The following CFAP206 variants were observed in gnomAD, a reference collection of about 807,000 sequenced individuals.
CFAP206 encodes the protein cilia- and flagella-associated protein 206.
Under a neutral mutation model 65.4 loss-of-function variants are expected in CFAP206, and 53 were observed. That is an observed-to-expected ratio of 0.81 (90% CI 0.65 to 1.02). CFAP206 has a LOEUF of 1.02. CFAP206 is among the 50% of genes least tolerant of loss of function. The pLI is 0.00. For missense variants in CFAP206, 663 were observed against 753.2 expected, an observed-to-expected ratio of 0.88 and a Z score of 1.40; for synonymous variants, 250 against 254.4, an observed-to-expected ratio of 0.98 and a Z score of 0.17.
rs755925712 is a variant in CFAP206 at position 87,428,631 on chromosome 6, C to G, written c.966C>G (p.Ile322Met). The change falls in exon 9 of 13, where the codon ATC becomes ATG. Residue 322 changes from isoleucine to methionine, a missense_variant. Transcript: ENST00000369562. The stretch of plus-strand genomic sequence containing the variant: ...ATTTTTTTTCTCTTCCTCAGCCTAT[C>G]TTCATTGCACTTTCTACTCTGTGGA... Reference protein sequence around the residue: ...IAVPTSQVFPIFIALSTLWTS... With the variant: ...IAVPTSQVFPMFIALSTLWTS... The G allele has an allele frequency of 9.9e-6, 16 of 1,613,836 alleles. No individual in the cohort carries two copies. The highest frequency in any genetic ancestry group is 1.4e-5 in the Non-Finnish European group (16 of 1,179,918).
In CFAP206 at chr6:87,444,879, G is replaced by A. The variant is rs75173630; in HGVS notation, c.1494+9826G>A. 2,203 of 549,230 alleles carry A rather than the reference G, an allele frequency of 4.0e-3. 47 individuals carry two copies. Among genetic ancestry groups the A allele is most frequent in the African/African-American group, 0.038 (2,006 of 52,796 alleles). 34.0% of individuals were successfully genotyped at this position (549,230 alleles called of 1,614,324 possible). A position where few individuals can be genotyped will look rare whatever the true frequency, so the allele number is the denominator to read the frequency against. On this transcript the variant is annotated intron_variant, in intron 11 of 12. Coordinates refer to ENST00000369562, the MANE Select transcript of CFAP206 (RefSeq NM_001031743.3). ...GCTGCTTCTTCCCAGTGGCCCAGAA[G>A]TCTGTGTGTGAAAAGCGCTTGTAAG... is the stretch of plus-strand genomic sequence containing the variant.
intron 11 of CFAP206, chr6:87,442,038 A>G: frequency 4.4e-6 from 1 of 226,090 alleles, no homozygotes; most frequent in Non-Finnish European, 9.3e-6. Context: ...TGTCACCCTC[A>G]GATCTTGGAG....
intron 11 of CFAP206, among the ~76,000 whole-genome samples, chr6:87,447,434 C>T (rs1283564165): frequency 1.3e-5 from 2 of 152,030 alleles, no homozygotes; most frequent in Non-Finnish European, 2.9e-5. Context: ...TTGAGATAAT[C>T]ATGTGGTTTT....
chr6:87,459,496 C>T (rs1768704843), intron 11 of CFAP206, among the ~76,000 whole-genome samples: 1 of 152,108 alleles, frequency 6.6e-6, no homozygotes, highest in Admixed American at 6.6e-5. Context: ...TAAAAGTCAA[C>T]ATGTGTTAAG....
chr6:87,416,039 ACT>A (rs1469603084), intron 5 of CFAP206, among the ~76,000 whole-genome samples, 165 bp downstream of exon 5: 2 of 151,998 alleles, frequency 1.3e-5, no homozygotes, highest in African/African-American at 4.8e-5. Flanking sequence ...CTCCTTTTAC[ACT>A]GTGTATCCAT....
intron 4 of CFAP206, 83 bp from the exon 5 acceptor site, chr6:87,415,603 T>C: frequency 8.1e-7 from 1 of 1,238,084 alleles, no homozygotes; most frequent in Non-Finnish European, 1.2e-6. Context: ...AATTGCCATA[T>C]CCAATCCAGT....
At position 87,428,965 on chromosome 6, in the gene CFAP206, G is replaced by T. The variant is rs1023263439; in HGVS notation, c.1159+141G>T. On this transcript the variant is annotated intron_variant, in intron 9 of 12. Coordinates refer to ENST00000369562, the MANE Select transcript of CFAP206 (RefSeq NM_001031743.3). ...ATTATAAAGTACTAATGAGGGCCGG[G>T]TGTGGTGGCTCACGCCTGTAATCCC... 26 of 867,720 alleles carry T rather than the reference G, an allele frequency of 3.0e-5. No individual in the cohort carries two copies. The East Asian group carries it at 6.8e-4, about 23-fold the overall frequency. 53.8% of individuals were successfully genotyped at this position (867,720 alleles called of 1,614,324 possible). A position where few individuals can be genotyped will look rare whatever the true frequency, so the allele number is the denominator to read the frequency against.
chr6:87,448,428 A>AT (rs1183566276), intron 11 of CFAP206, among the ~76,000 whole-genome samples: 47 of 152,306 alleles, frequency 3.1e-4, no homozygotes, highest in African/African-American at 1.1e-3. Context: ...ATTTTGATAC[A>AT]TGTATACAAT....
In CFAP206 at chr6:87,413,741, T is replaced by G. The variant is rs531440208; in HGVS notation, c.193-69T>G. 1.4e-4 allele frequency: 131 copies of G among 930,996 alleles called. No homozygotes were observed. In the African/African-American group the frequency reaches 2.1e-3, roughly 15 times the overall value. The allele number at this position is 930,996 out of a possible 1,614,324, so 57.7% of individuals were successfully genotyped here. ...CTGCTTTTCCCTTTATTTTTGAAAA[T>G]AACTTTAGGAAATACTTGACTGTCT... On this transcript the variant is annotated intron_variant, in intron 3 of 12. Transcript: ENST00000369562.
At chr6:87,439,981 T>C (rs1392299267) in intron 11 of CFAP206, among the ~76,000 whole-genome samples, 1 of 152,170 alleles carries the variant, frequency 6.6e-6, no homozygotes, top group African/African-American at 2.4e-5. Context: ...TTGTCTGTAC[T>C]AGAATCTTTA....
At position 87,410,855 on chromosome 6, in the gene CFAP206, C is replaced by G. The variant is rs370963186; in HGVS notation, c.192+187C>G. Among the ~76,000 whole-genome samples the G allele has an allele frequency of 3.3e-5, 5 of 152,170 alleles. No individual in the cohort carries two copies. In the South Asian group the frequency reaches 1.0e-3, roughly 31 times the overall value. On this transcript the variant is annotated intron_variant, in intron 3 of 12. Transcript: ENST00000369562. ...GACCATTCTTCCTGGCTTCCTGGGGCACACCATCCTTGCAATATGGTCATC... is the reference window on the plus strand; with the variant it reads ...GACCATTCTTCCTGGCTTCCTGGGGGACACCATCCTTGCAATATGGTCATC...
chr6:87,434,180 T>A (rs1768210806), intron 10 of CFAP206, among the ~76,000 whole-genome samples: 1 of 151,870 alleles, frequency 6.6e-6, no homozygotes, highest in Non-Finnish European at 1.5e-5. Flanking sequence ...AGTGAGCAGA[T>A]CGCTTGAGTC....
intron 7 of CFAP206, among the ~76,000 whole-genome samples, chr6:87,423,393 C>G (rs1017966199): frequency 3.3e-5 from 5 of 151,908 alleles, no homozygotes; most frequent in Non-Finnish European, 7.4e-5. Flanking sequence ...GGACTACAGG[C>G]GCCCGCCACC....
chr6:87,422,981 G>A (rs1343156100), intron 7 of CFAP206, among the ~76,000 whole-genome samples: 1 of 151,884 alleles, frequency 6.6e-6, no homozygotes, highest in Non-Finnish European at 1.5e-5. Context: ...GGAGTGCGGT[G>A]GTGCAATCTC....
intron 11 of CFAP206, among the ~76,000 whole-genome samples, chr6:87,438,512 T>A (rs1005886986): frequency 6.6e-6 from 1 of 151,434 alleles, no homozygotes; most frequent in African/African-American, 2.4e-5. Context: ...GGACAGGCAG[T>A]TGCTGGGCAG....
At chr6:87,426,258 A>G (rs1768041571) in intron 7 of CFAP206, among the ~76,000 whole-genome samples, 1 of 152,244 alleles carries the variant, frequency 6.6e-6, no homozygotes, top group African/African-American at 2.4e-5. Flanking sequence ...CAAGAATGCA[A>G]TTATATTTAA....
At chr6:87,459,799 AG>A (rs1272698184) in intron 11 of CFAP206, among the ~76,000 whole-genome samples, 1 of 152,200 alleles carries the variant, frequency 6.6e-6, no homozygotes, top group Non-Finnish European at 1.5e-5. Context: ...ACGACTGGAA[AG>A]GTATGTTGTA....
Position 87,409,878 on chromosome 6 carries a change from T to G in CFAP206, c.39T>G (p.Ile13Met). 6 of 1,613,474 alleles carry G rather than the reference T, an allele frequency of 3.7e-6. No individual in the cohort carries two copies. The highest frequency in any genetic ancestry group is 5.1e-6 in the Non-Finnish European group (6 of 1,179,712). Residue 13 changes from isoleucine to methionine, a missense_variant, in exon 2 of 13, where the codon ATT (isoleucine) becomes ATG (methionine). Ile to Met is a conservative substitution (Grantham distance 10, BLOSUM62 1). Transcript: ENST00000369562. Reference protein sequence around the residue: ...PTQAESVIRSIIREIGQECAA... With the variant: ...PTQAESVIRSMIREIGQECAA... ...AGGCCGAAAGTGTTATAAGGAGTAT[T>G]ATACGAGAAATAGGACAAGAATGTG...
intron 8 of CFAP206, 84 bp downstream of exon 8, chr6:87,426,729 A>T: frequency 9.8e-7 from 1 of 1,022,068 alleles, no homozygotes; most frequent in Middle Eastern, 3.6e-4. Flanking sequence ...TTATAATTAT[A>T]TTTAATTTCT....
Sources: gnomAD v4.1 joint callset for allele counts (sites outside exome capture counted in the v4.1 genomes callset) on GRCh38, gnomAD v4.1.1 for gene constraint, MANE v1.5 for transcripts, NCBI Gene and HGNC (gene_info 2026-07-23, HGNC 2026-07-21) for gene names.